CDIN1: variants seen among roughly 807,000 people sequenced by gnomAD.
The protein encoded by CDIN1 is CDAN1-interacting nuclease 1.
A neutral mutation model predicts 45.3 loss-of-function variants in CDIN1; 33 were observed. The ratio of observed to expected loss-of-function variants is 0.73; its 90% CI spans 0.55 to 0.97. The LOEUF (loss-of-function observed/expected upper bound fraction) is 0.97. Ranked by LOEUF, CDIN1 falls within the 50% of genes least tolerant of loss-of-function variation. The pLI is 0.00. For synonymous variants in CDIN1, 118 were observed against 124.4 expected, an observed-to-expected ratio of 0.95 and a Z score of 0.34; for missense variants, 303 against 339.4, an observed-to-expected ratio of 0.89 and a Z score of 0.84.
chr15:36,806,523 T>C (rs2055231564), intron 10 of CDIN1, among the ~76,000 whole-genome samples: 1 of 152,188 alleles, frequency 6.6e-6, no homozygotes, highest in African/African-American at 2.4e-5. Context: ...AAGAACATCA[T>C]GGTCTCCAGA....
intron 10 of CDIN1, among the ~76,000 whole-genome samples, chr15:36,770,110 TTCTC>T (rs150116594): frequency 3.8e-4 from 57 of 149,682 alleles, no homozygotes; most frequent in African/African-American, 7.1e-4. Flanking sequence ...CTTTCTCCCT[TTCTC>T]TCTCTCTCTC....
rs766873092 is a variant in CDIN1 at position 36,808,903 on chromosome 15, G to A, written c.*450G>A. The A allele has an allele frequency of 2.2e-6, 1 of 456,018 alleles. No homozygotes were observed. Among genetic ancestry groups the A allele is most frequent in the Non-Finnish European group, 4.4e-6 (1 of 226,826 alleles). 28.2% of individuals were successfully genotyped at this position (456,018 alleles called of 1,614,324 possible). ...CCCTTTCTCTTCATGTGCACTCACA[G>A]AGACCCAGCATTGCATTACCATCGT... is the stretch of plus-strand genomic sequence containing the variant. On this transcript the variant is annotated 3_prime_UTR_variant, in exon 11 of 11. Transcript: ENST00000566621.
At chr15:36,758,700 T>G (rs1022185405) in intron 10 of CDIN1, among the ~76,000 whole-genome samples, 1 of 152,180 alleles carries the variant, frequency 6.6e-6, no homozygotes, top group Non-Finnish European at 1.5e-5. Context: ...AGCTATGAAA[T>G]CTATCTTTTT....
At chr15:36,795,698 TTTATTA>T (rs922423481) in intron 10 of CDIN1, among the ~76,000 whole-genome samples, 2 of 151,510 alleles carry the variant, frequency 1.3e-5, no homozygotes, top group African/African-American at 4.8e-5. Context: ...TTTATTTATT[TTTATTA>T]TTATTTATTA....
At chr15:36,695,560 T>C (rs2042392319) in intron 7 of CDIN1, among the ~76,000 whole-genome samples, 1 of 152,084 alleles carries the variant, frequency 6.6e-6, no homozygotes, top group Non-Finnish European at 1.5e-5. Flanking sequence ...AAAATGTGAC[T>C]AAAAGGCTGG....
intron 5 of CDIN1, among the ~76,000 whole-genome samples, chr15:36,663,862 CT>C (rs1385032027): frequency 6.6e-6 from 1 of 152,148 alleles, no homozygotes; most frequent in Non-Finnish European, 1.5e-5. Context: ...TGACACAGAA[CT>C]ATGTGTTGTT....
At chr15:36,585,746 CAAAT>C (rs1245981076) in intron 1 of CDIN1, among the ~76,000 whole-genome samples, 1 of 151,944 alleles carries the variant, frequency 6.6e-6, no homozygotes, top group Non-Finnish European at 1.5e-5. Flanking sequence ...TTATAATCAA[CAAAT>C]AAAACTAAAG....
intron 10 of CDIN1, among the ~76,000 whole-genome samples, chr15:36,752,280 A>G (rs1282608515): frequency 6.6e-6 from 1 of 152,246 alleles, no homozygotes; most frequent in Non-Finnish European, 1.5e-5. Flanking sequence ...AGATATATTA[A>G]ATACAATGTT....
intron 1 of CDIN1, among the ~76,000 whole-genome samples, chr15:36,622,060 T>C (rs1489328833): frequency 6.6e-6 from 1 of 152,182 alleles, no homozygotes; most frequent in Admixed American, 6.5e-5. Flanking sequence ...CTATAAGTGG[T>C]TAGAATTTTA....
chr15:36,701,680 G>A (rs891020208), intron 8 of CDIN1, among the ~76,000 whole-genome samples: 1 of 152,146 alleles, frequency 6.6e-6, no homozygotes, highest in Admixed American at 6.6e-5. Flanking sequence ...ATTCTTTCCA[G>A]TGAATGTTTC....
chr15:36,598,465 A>C (rs1324669328), intron 1 of CDIN1, among the ~76,000 whole-genome samples: 2 of 152,084 alleles, frequency 1.3e-5, no homozygotes, highest in African/African-American at 4.8e-5. Flanking sequence ...ACATGCATTC[A>C]TGTTTTTTTT....
chr15:36,745,632 T>A (rs2044393260), intron 10 of CDIN1, among the ~76,000 whole-genome samples: 1 of 152,172 alleles, frequency 6.6e-6, no homozygotes, highest in South Asian at 2.1e-4. Context: ...GGTGTAAGCA[T>A]AGAATTGATT....
intron 8 of CDIN1, among the ~76,000 whole-genome samples, chr15:36,703,269 T>TAGATCTATCAGATATATACATATATCA (rs2042717156): frequency 1.0e-5 from 1 of 99,084 alleles, no homozygotes; most frequent in Admixed American, 1.1e-4. Context: ...TATATATATC[T>TAGATCTATCAGATATATACATATATCA]GATAGATCTA....
At chr15:36,681,777 A>T (rs1406311166) in intron 5 of CDIN1, among the ~76,000 whole-genome samples, 1 of 152,162 alleles carries the variant, frequency 6.6e-6, no homozygotes, top group East Asian at 1.9e-4. Flanking sequence ...TTAGCCTGTA[A>T]TTGTATACTA....
chr15:36,583,144 C>CT (rs955826891), intron 1 of CDIN1, among the ~76,000 whole-genome samples: 4 of 150,268 alleles, frequency 2.7e-5, no homozygotes, highest in African/African-American at 9.8e-5. Context: ...TAAATGTATG[C>CT]TTTTTTTTTC....
chr15:36,780,239 G>A (rs1334339217), intron 10 of CDIN1, among the ~76,000 whole-genome samples: 2 of 152,166 alleles, frequency 1.3e-5, no homozygotes, highest in Non-Finnish European at 2.9e-5. Flanking sequence ...TCTCAGAACT[G>A]GAAGGGACCT....
chr15:36,589,646 C>T (rs1452456211), intron 1 of CDIN1, among the ~76,000 whole-genome samples: 2 of 152,142 alleles, frequency 1.3e-5, no homozygotes, highest in Non-Finnish European at 2.9e-5. Context: ...GCTGGGACTA[C>T]AGGCGCCCGC....
chr15:36,648,191 A>G (rs17841126), intron 3 of CDIN1, among the ~76,000 whole-genome samples: 145,196 of 152,174 alleles, frequency 0.95, 69,277 homozygotes, highest in East Asian at 1. Context: ...CCACTCAGAG[A>G]TCTCTACTGG....
At chr15:36,657,478 G>A (rs1408016443) in intron 4 of CDIN1, among the ~76,000 whole-genome samples, 5 of 152,016 alleles carry the variant, frequency 3.3e-5, no homozygotes. Flanking sequence ...CAGTTGCATA[G>A]AAAGAAGCAT....
Sources: allele counts gnomAD v4.1 joint callset (sites outside exome capture counted in the v4.1 genomes callset), GRCh38; gene constraint gnomAD v4.1.1; transcripts MANE v1.5; gene names NCBI Gene and HGNC (gene_info 2026-07-23, HGNC 2026-07-21).